The following B3GALT1 variants were observed in gnomAD, a reference collection of about 807,000 sequenced individuals.
B3GALT1 encodes UDP-Gal:betaGlcNAc beta 1,3-galactosyltransferase, polypeptide 1.
In B3GALT1, 10 loss-of-function variants were observed where a neutral mutation model predicts 23.2. The ratio of observed to expected loss-of-function variants is 0.43; its 90% CI spans 0.27 to 0.73. B3GALT1 has a LOEUF of 0.73. B3GALT1 is among the 30% of genes least tolerant of loss of function. B3GALT1 has a pLI of 0.21. For synonymous variants in B3GALT1, 156 were observed against 141.5 expected (o/e 1.10, Z -0.73); for missense variants, 299 against 405.4 (o/e 0.74, Z 2.25).
intron 1 of B3GALT1, among the ~76,000 whole-genome samples, chr2:167,471,532 C>G (rs1699418306): frequency 6.6e-6 from 1 of 152,130 alleles, no homozygotes; most frequent in African/African-American, 2.4e-5. Flanking sequence ...CCAGCTGATG[C>G]AGAGTTTGGT....
chr2:167,665,926 T>A (rs566416148), intron 3 of B3GALT1, among the ~76,000 whole-genome samples: 1 of 152,320 alleles, frequency 6.6e-6, no homozygotes, highest in East Asian at 1.9e-4. Context: ...CCTGGATTCA[T>A]TAATTTTTTG....
At chr2:167,334,399 T>A (rs1436707841) in intron 1 of B3GALT1, among the ~76,000 whole-genome samples, 1 of 152,186 alleles carries the variant, frequency 6.6e-6, no homozygotes, top group Non-Finnish European at 1.5e-5. Context: ...TTCATTATGT[T>A]AAAGACAGTT....
At chr2:167,535,066 C>T (rs571684769) in intron 2 of B3GALT1, among the ~76,000 whole-genome samples, 35 of 152,136 alleles carry the variant, frequency 2.3e-4, no homozygotes, top group Non-Finnish European at 4.4e-4. Flanking sequence ...ATCGATTTCA[C>T]AAAGCCATGC....
Position 167,754,623 on chromosome 2 carries a change from A to G in B3GALT1, c.-351-64049A>G, listed in dbSNP as rs1029071436. Among the ~76,000 whole-genome samples the G allele has an allele frequency of 2.6e-5, 4 of 152,184 alleles. No individual in the cohort carries two copies. The South Asian group carries it at 8.3e-4, about 32-fold the overall frequency. On this transcript the variant is annotated intron_variant, in intron 3 of 4. Transcript: ENST00000392690. Reference sequence around the variant, plus strand: ...GGTTTAGAGTACCAAAAGAGAGGAAAAAGATACAAAAGAATATATATAGCC... The same window carrying G: ...GGTTTAGAGTACCAAAAGAGAGGAAGAAGATACAAAAGAATATATATAGCC...
chr2:167,851,309 C>A (rs1209802988), intron 4 of B3GALT1, among the ~76,000 whole-genome samples: 1 of 151,912 alleles, frequency 6.6e-6, no homozygotes, highest in Non-Finnish European at 1.5e-5. Flanking sequence ...GATAACCAGC[C>A]CTACCTTTTA....
At chr2:167,448,099 C>CT (rs1699029860) in intron 1 of B3GALT1, among the ~76,000 whole-genome samples, 1 of 152,146 alleles carries the variant, frequency 6.6e-6, no homozygotes, top group South Asian at 2.1e-4. Context: ...GTGGAAGTAT[C>CT]TTTTTTGTAT....
intron 1 of B3GALT1, among the ~76,000 whole-genome samples, chr2:167,447,546 C>G (rs1366806638): frequency 6.6e-6 from 1 of 152,174 alleles, no homozygotes; most frequent in African/African-American, 2.4e-5. Flanking sequence ...TTTACCTACT[C>G]AAGCCTCAGC....
rs1004490399 is a variant in B3GALT1 at position 167,853,562 on chromosome 2, T to G, written c.-229-15249T>G. Among the ~76,000 whole-genome samples, 7 of 152,170 alleles carry G rather than the reference T, an allele frequency of 4.6e-5. 1 individual carries two copies. The highest frequency in any genetic ancestry group is 3.3e-4 in the Admixed American group (5 of 15,276). ...AAATTTGCATTTTCATTTGTATATT[T>G]ATTATAATGTTAATAAATGTTAATA... On this transcript the variant is annotated intron_variant, in intron 4 of 4. Transcript: ENST00000392690.
At chr2:167,809,509 A>G (rs1223803699) in intron 3 of B3GALT1, among the ~76,000 whole-genome samples, 1 of 152,044 alleles carries the variant, frequency 6.6e-6, no homozygotes, top group African/African-American at 2.4e-5. Context: ...AACAGACAGG[A>G]CCCTCAGCTG....
In B3GALT1 at chr2:167,714,954, A is replaced by C. The variant is rs1687120304; in HGVS notation, c.-352+67988A>C. On this transcript the variant is annotated intron_variant, in intron 3 of 4. Coordinates refer to ENST00000392690, the MANE Select transcript of B3GALT1 (RefSeq NM_020981.4). ...TGAAGCTTCTGATTCTCACTTTCAA[A>C]ATATATGTTTTCTGACTGCAAAGAT... The C allele has an allele frequency of 5.6e-6, 9 of 1,611,590 alleles. No homozygotes were observed. The East Asian group carries it at 1.8e-4, about 32-fold the overall frequency.
At chr2:167,826,524 A>G (rs1689233270) in intron 4 of B3GALT1, among the ~76,000 whole-genome samples, 1 of 151,984 alleles carries the variant, frequency 6.6e-6, no homozygotes, top group Non-Finnish European at 1.5e-5. Flanking sequence ...CCTTGAAGAA[A>G]CTCAAGAACT....
chr2:167,294,046 A>T (rs1350256005), intron 1 of B3GALT1, among the ~76,000 whole-genome samples: 1 of 152,184 alleles, frequency 6.6e-6, no homozygotes, highest in African/African-American at 2.4e-5. Flanking sequence ...TTGAGGATGG[A>T]GAGTCCCACT....
chr2:167,411,664 A>C (rs1180784833), intron 1 of B3GALT1, among the ~76,000 whole-genome samples: 1 of 152,170 alleles, frequency 6.6e-6, no homozygotes, highest in Admixed American at 6.5e-5. Context: ...ATGTTCCTCA[A>C]AAAGTTAAAA....
At chr2:167,389,461 A>T (rs143538496) in intron 1 of B3GALT1, among the ~76,000 whole-genome samples, 2 of 152,282 alleles carry the variant, frequency 1.3e-5, no homozygotes, top group Non-Finnish European at 2.9e-5. Flanking sequence ...CCCTAAAAAG[A>T]GTGTCTGCTG....
rs1683909184 is a variant in B3GALT1 at position 167,558,968 on chromosome 2, C to T, written c.-410+68691C>T. Among the ~76,000 whole-genome samples, 2 of 152,212 alleles carry T rather than the reference C, an allele frequency of 1.3e-5. 1 individual carries two copies. The highest frequency in any genetic ancestry group is 4.1e-4 in the South Asian group (2 of 4,832). On this transcript the variant is annotated intron_variant, in intron 2 of 4. Coordinates refer to ENST00000392690, the MANE Select transcript of B3GALT1 (RefSeq NM_020981.4). ...TTGAAGAGAGCAGTGGTTCTCCCAGCACGCAGCTGGAGATCTGAGAACGGG... is the reference window on the plus strand; with the variant it reads ...TTGAAGAGAGCAGTGGTTCTCCCAGTACGCAGCTGGAGATCTGAGAACGGG...
intron 2 of B3GALT1, among the ~76,000 whole-genome samples, chr2:167,628,307 A>G (rs1685379948): frequency 6.6e-6 from 1 of 151,614 alleles, no homozygotes; most frequent in Non-Finnish European, 1.5e-5. Context: ...CTTTCACTTT[A>G]ATTCCATTTA....
intron 2 of B3GALT1, among the ~76,000 whole-genome samples, chr2:167,603,692 A>G (rs1381564790): frequency 6.6e-6 from 1 of 152,178 alleles, no homozygotes; most frequent in African/African-American, 2.4e-5. Context: ...TTGCCTCTAT[A>G]TGTGATTCTT....
chr2:167,764,883 G>A (rs1687952160), intron 3 of B3GALT1, among the ~76,000 whole-genome samples: 1 of 152,096 alleles, frequency 6.6e-6, no homozygotes, highest in Non-Finnish European at 1.5e-5. Context: ...GGAAGCCTTG[G>A]TAGTTCTTGC....
chr2:167,690,481 G>A (rs1015124702), intron 3 of B3GALT1, among the ~76,000 whole-genome samples: 10 of 151,990 alleles, frequency 6.6e-5, no homozygotes, highest in African/African-American at 2.4e-5. Context: ...TGTCATTGTT[G>A]AGTTTTATTT....
Sources: gnomAD v4.1 joint callset for allele counts (sites outside exome capture counted in the v4.1 genomes callset) on GRCh38, gnomAD v4.1.1 for gene constraint, MANE v1.5 for transcripts, NCBI Gene and HGNC (gene_info 2026-07-23, HGNC 2026-07-21) for gene names.